Variants in LIPC observed in about 807,000 individuals in gnomAD.
LIPC encodes lipase C, hepatic type.
In LIPC, 44 loss-of-function variants were observed where a neutral mutation model predicts 50.7. That is an observed-to-expected ratio of 0.87 (90% CI 0.68 to 1.11). The LOEUF is 1.11. LIPC is among the 50% of genes most tolerant of loss of function. The pLI, the probability that LIPC is intolerant of heterozygous loss-of-function variation, is 0.00. For missense variants in LIPC, 697 were observed against 648.2 expected (o/e 1.08, Z -0.82); for synonymous variants, 271 against 256.4 (o/e 1.06, Z -0.54).
intron 1 of LIPC, among the ~76,000 whole-genome samples, chr15:58,519,845 C>A (rs1462540219): frequency 6.6e-6 from 1 of 152,180 alleles, no homozygotes; most frequent in African/African-American, 2.4e-5. Context: ...TGAAACAGAT[C>A]AGATGGGGGG....
At chr15:58,560,188 A>G (rs1362897535) in intron 6 of LIPC, among the ~76,000 whole-genome samples, 1 of 152,262 alleles carries the variant, frequency 6.6e-6, no homozygotes, top group African/African-American at 2.4e-5. Context: ...TTAGGTAAAG[A>G]AGAATAAAAT....
chr15:58,501,230 G>A (rs1389452145), intron 1 of LIPC, among the ~76,000 whole-genome samples: 2 of 151,906 alleles, frequency 1.3e-5, no homozygotes, highest in Non-Finnish European at 2.9e-5. Context: ...TTCCTAACAG[G>A]CCCCCTCGCC....
Position 58,563,664 on chromosome 15 carries a change from G to A in LIPC, c.1329G>A (p.Pro443=), listed in dbSNP as rs199953853. The change falls in exon 8 of 9, where the codon CCG becomes CCA. Residue 443 remains proline, a synonymous_variant. Coordinates refer to ENST00000299022, the MANE Select transcript of LIPC (RefSeq NM_000236.3). ...VQTIIPWSTG[P]RHSGLVLKTI... ...CCATCATCCCATGGAGCACAGGGCC[G>A]CGCCACTCAGGCCTCGTTCTGAAGA... 46 of 1,614,078 alleles carry A rather than the reference G, an allele frequency of 2.8e-5. No individual in the cohort carries two copies. The highest frequency in any genetic ancestry group is 1.1e-4 in the South Asian group (10 of 91,070).
chr15:58,472,986 A>G (rs1373537819), intron 1 of LIPC, among the ~76,000 whole-genome samples: 5 of 152,168 alleles, frequency 3.3e-5, no homozygotes, highest in African/African-American at 1.2e-4. Context: ...TGGTTTTGTT[A>G]ACTTTGAAAA....
Position 58,538,536 on chromosome 15 carries a change from C to A in LIPC, c.273+19C>A. The A allele has an allele frequency of 1.2e-6, 2 of 1,610,278 alleles. No homozygotes were observed. Among genetic ancestry groups the A allele is most frequent in the Non-Finnish European group, 1.7e-6 (2 of 1,176,596 alleles). On this transcript the variant is annotated intron_variant, in intron 2 of 8. Coordinates refer to ENST00000299022, the MANE Select transcript of LIPC (RefSeq NM_000236.3). The stretch of plus-strand genomic sequence containing the variant: ...GTGGTCGGTAGGAAATGCTGACATG[C>A]CGTTTTTCTCTCCGATTTCACATTT...
At chr15:58,527,221 A>G (rs1239718446) in intron 1 of LIPC, among the ~76,000 whole-genome samples, 1 of 152,216 alleles carries the variant, frequency 6.6e-6, no homozygotes, top group Non-Finnish European at 1.5e-5. Flanking sequence ...TTTTTTAGCC[A>G]GTTGTGGGCC....
chr15:58,501,780 C>T (rs536566955), intron 1 of LIPC, among the ~76,000 whole-genome samples: 144 of 152,188 alleles, frequency 9.5e-4, no homozygotes, highest in Non-Finnish European at 1.5e-3. Context: ...TCTTTCTTAC[C>T]CTAACCCAGT....
At position 58,566,533 on chromosome 15, in the gene LIPC, A is replaced by G. The variant is rs921798628; in HGVS notation, c.1389-2183A>G. 4 of 815,174 alleles carry G rather than the reference A, an allele frequency of 4.9e-6. No homozygotes were observed. In the African/African-American group the frequency reaches 5.6e-5, roughly 11 times the overall value. 50.5% of individuals were successfully genotyped at this position (815,174 alleles called of 1,614,324 possible). ...AAAATCCCAGAATCGGGATGGGAACATTAAACTCTACACTCGTAATATCGC... is the reference window on the plus strand; with the variant it reads ...AAAATCCCAGAATCGGGATGGGAACGTTAAACTCTACACTCGTAATATCGC... On this transcript the variant is annotated intron_variant, in intron 8 of 8. Transcript: ENST00000299022.
chr15:58,559,702 C>CA (rs1555407236), intron 6 of LIPC, among the ~76,000 whole-genome samples: 39 of 11,452 alleles, frequency 3.4e-3, no homozygotes, highest in African/African-American at 6.7e-3. Context: ...GACCCTGTCT[C>CA]AAAAAAAAAA....
At chr15:58,445,125 G>T (rs1893646314) in intron 1 of LIPC, among the ~76,000 whole-genome samples, 1 of 152,216 alleles carries the variant, frequency 6.6e-6, no homozygotes, top group African/African-American at 2.4e-5. Flanking sequence ...GGGAGCCTGG[G>T]CTGGGGAGAG....
intron 1 of LIPC, among the ~76,000 whole-genome samples, chr15:58,452,308 G>A (rs1893930593): frequency 6.6e-6 from 1 of 152,202 alleles, no homozygotes; most frequent in Non-Finnish European, 1.5e-5. Flanking sequence ...TTCTGAAACA[G>A]GCACCAAAGT....
At chr15:58,502,522 T>TG in intron 1 of LIPC, among the ~76,000 whole-genome samples, 1 of 148,514 alleles carries the variant, frequency 6.7e-6, no homozygotes, top group South Asian at 2.1e-4. Context: ...TTTTTTTTTT[T>TG]GTTTGTTTTT....
intron 1 of LIPC, among the ~76,000 whole-genome samples, chr15:58,477,643 C>A (rs1335225969): frequency 2.0e-5 from 3 of 152,176 alleles, no homozygotes; most frequent in Non-Finnish European, 4.4e-5. Context: ...CAGCTCCACT[C>A]ATTCTGTCCT....
At chr15:58,481,219 A>G (rs1368257215) in intron 1 of LIPC, among the ~76,000 whole-genome samples, 3 of 152,184 alleles carry the variant, frequency 2.0e-5, no homozygotes, top group African/African-American at 7.2e-5. Context: ...TTGTGGTGGG[A>G]GGGAAATTGT....
At chr15:58,533,315 T>C in intron 1 of LIPC, 1 of 250,354 alleles carries the variant, frequency 4.0e-6, no homozygotes, top group Non-Finnish European at 6.3e-6. Context: ...TCAATACAAA[T>C]AAGACTGCTG....
chr15:58,554,704 G>A (rs1374917402), intron 6 of LIPC, among the ~76,000 whole-genome samples: 2 of 152,118 alleles, frequency 1.3e-5, no homozygotes, highest in African/African-American at 4.8e-5. Flanking sequence ...AGACCAGCCT[G>A]AGCAACATAC....
intron 1 of LIPC, among the ~76,000 whole-genome samples, chr15:58,519,546 A>G (rs1352013010): frequency 2.6e-5 from 4 of 152,290 alleles, no homozygotes; most frequent in South Asian, 2.1e-4. Context: ...GTGTATATGT[A>G]AGTCCTCCCA....
At chr15:58,566,608 C>A in intron 8 of LIPC, 1 of 311,422 alleles carries the variant, frequency 3.2e-6, no homozygotes, top group Non-Finnish European at 4.7e-6. Context: ...TGCTCTGTGC[C>A]TCCATGGAAG....
At chr15:58,544,645 C>T (rs1284571483) in intron 4 of LIPC, among the ~76,000 whole-genome samples, 1 of 152,152 alleles carries the variant, frequency 6.6e-6, no homozygotes, top group Non-Finnish European at 1.5e-5. Flanking sequence ...ATCTGCCAGA[C>T]TCAGCCTCCC....
Sources: allele counts gnomAD v4.1 joint callset (sites outside exome capture counted in the v4.1 genomes callset), GRCh38; gene constraint gnomAD v4.1.1; transcripts MANE v1.5; gene names NCBI Gene and HGNC (gene_info 2026-07-23, HGNC 2026-07-21).